OTUD7A: variants seen among roughly 807,000 people sequenced by gnomAD.
OTUD7A encodes OTU deubiquitinase 7A.
A neutral mutation model predicts 65.7 loss-of-function variants in OTUD7A; 12 were observed. The ratio of observed to expected loss-of-function variants is 0.18; its 90% CI spans 0.12 to 0.30. The LOEUF (loss-of-function observed/expected upper bound fraction) is 0.30, where lower values mean the gene tolerates loss of function less well. Among genes scored for constraint, OTUD7A ranks in the 10% least tolerant of loss-of-function variants. OTUD7A has a pLI of 1.00. For synonymous variants in OTUD7A, 641 were observed against 586.3 expected, an observed-to-expected ratio of 1.09 and a Z score of -1.35; for missense variants, 1,148 against 1,304.8, an observed-to-expected ratio of 0.88 and a Z score of 1.85.
At chr15:31,758,509 C>T (rs569019681) in intron 1 of OTUD7A, among the ~76,000 whole-genome samples, 56 of 152,262 alleles carry the variant, frequency 3.7e-4, no homozygotes, top group Non-Finnish European at 7.3e-4. Flanking sequence ...AAGCATCCCA[C>T]ATCAGTGCCA....
chr15:31,541,573 A>G (rs772110621), intron 5 of OTUD7A, among the ~76,000 whole-genome samples: 2 of 152,226 alleles, frequency 1.3e-5, no homozygotes, highest in Non-Finnish European at 2.9e-5. Flanking sequence ...AAAAGAGGTC[A>G]GAAAATAAAA....
At chr15:31,742,003 C>T (rs1894357967) in intron 1 of OTUD7A, among the ~76,000 whole-genome samples, 1 of 151,924 alleles carries the variant, frequency 6.6e-6, no homozygotes, top group African/African-American at 2.4e-5. Context: ...TAAAACTTAC[C>T]AAGGCTGATT....
intron 1 of OTUD7A, among the ~76,000 whole-genome samples, chr15:31,807,179 A>C (rs1177183952): frequency 6.6e-6 from 1 of 152,204 alleles, no homozygotes; most frequent in African/African-American, 2.4e-5. Flanking sequence ...AATAGAGTCA[A>C]TAACACCGTT....
At chr15:31,835,681 AAC>A (rs1343655825) in intron 1 of OTUD7A, among the ~76,000 whole-genome samples, 1 of 152,060 alleles carries the variant, frequency 6.6e-6, no homozygotes, top group East Asian at 1.9e-4. Context: ...CATACATACA[AAC>A]ACACATACAC....
chr15:31,867,733 A>G lies in OTUD7A; in HGVS notation c.-100+2774T>C, dbSNP rs141940081. Among the ~76,000 whole-genome samples, 503 of 152,320 alleles carry G rather than the reference A, an allele frequency of 3.3e-3. 3 individuals are homozygous for G. The highest frequency in any genetic ancestry group is 0.012 in the African/African-American group (487 of 41,562). On this transcript the variant is annotated intron_variant, in intron 1 of 12. Coordinates refer to ENST00000307050, the MANE Select transcript of OTUD7A (RefSeq NM_001382637.1). ...CTTCCGCAGTCTGAGAAGGCACTCA[A>G]TCCTGAGACTCAAAGTGTGCTAAGA...
intron 1 of OTUD7A, among the ~76,000 whole-genome samples, chr15:31,826,021 G>A (rs1042158767): frequency 6.6e-6 from 1 of 152,188 alleles, no homozygotes; most frequent in Non-Finnish European, 1.5e-5. Context: ...TGCTTTTTGG[G>A]CTGGCATTTG....
At chr15:31,548,973 C>G (rs1447947937) in intron 5 of OTUD7A, among the ~76,000 whole-genome samples, 1 of 151,662 alleles carries the variant, frequency 6.6e-6, no homozygotes, top group African/African-American at 2.4e-5. Context: ...CCATCTCTAC[C>G]AAAAATATAA....
chr15:31,590,868 T>C (rs1285352840), intron 3 of OTUD7A, among the ~76,000 whole-genome samples: 1 of 152,170 alleles, frequency 6.6e-6, no homozygotes, highest in Non-Finnish European at 1.5e-5. Context: ...CTTGTGGCCA[T>C]GGATTCACTG....
intron 8 of OTUD7A, among the ~76,000 whole-genome samples, chr15:31,513,396 C>T (rs1595572220): frequency 6.6e-6 from 1 of 152,204 alleles, no homozygotes; most frequent in East Asian, 1.9e-4. Context: ...CACACAGTTA[C>T]ATGCAATCAC....
intron 1 of OTUD7A, among the ~76,000 whole-genome samples, chr15:31,826,240 G>A (rs1896794918): frequency 6.6e-6 from 1 of 152,218 alleles, no homozygotes; most frequent in South Asian, 2.1e-4. Context: ...CTTCTGTCTG[G>A]GCATCCAGGC....
chr15:31,599,339 C>A (rs576834407), intron 3 of OTUD7A, among the ~76,000 whole-genome samples: 17 of 152,298 alleles, frequency 1.1e-4, no homozygotes, highest in African/African-American at 3.9e-4. Context: ...TATTCTGCAG[C>A]CTCTGCTGGT....
At chr15:31,527,152 G>T in intron 7 of OTUD7A, 29 bp downstream of exon 7, 1 of 1,613,326 alleles carries the variant, frequency 6.2e-7, no homozygotes, top group Non-Finnish European at 8.5e-7. Flanking sequence ...CCTGGGTCCC[G>T]GGCTCTGGCC....
At chr15:31,732,039 A>C (rs1894058946) in intron 1 of OTUD7A, among the ~76,000 whole-genome samples, 1 of 152,180 alleles carries the variant, frequency 6.6e-6, no homozygotes, top group South Asian at 2.1e-4. Context: ...TGAGAGCTAA[A>C]GGTGGGCTAA....
chr15:31,653,868 C>T (rs2141276589), intron 3 of OTUD7A, among the ~76,000 whole-genome samples: 1 of 151,272 alleles, frequency 6.6e-6, no homozygotes, highest in South Asian at 2.1e-4. Flanking sequence ...ATGGCCACCA[C>T]AAGCATGGTC....
intron 1 of OTUD7A, among the ~76,000 whole-genome samples, chr15:31,743,238 C>T (rs1894388924): frequency 6.6e-6 from 1 of 151,650 alleles, no homozygotes; most frequent in African/African-American, 2.4e-5. Context: ...ATTCAAAATG[C>T]TGAGATAACA....
rs201468499 is a variant in OTUD7A at position 31,856,686 on chromosome 15, C to CAT, written c.-100+13820_-100+13821insAT. ...TTCTTCTCAACCCCTCCTCGCCACA[C>CAT]GTTAATTAAACTCATCTACAATCTA... On this transcript the variant is annotated intron_variant, in intron 1 of 12. Transcript: ENST00000307050. Among the ~76,000 whole-genome samples, 1,069 of 152,310 alleles carry CAT rather than the reference C, an allele frequency of 7.0e-3. 15 individuals carry two copies. The highest frequency in any genetic ancestry group is 0.025 in the African/African-American group (1,029 of 41,568).
intron 1 of OTUD7A, among the ~76,000 whole-genome samples, chr15:31,751,617 T>C (rs1361191157): frequency 1.3e-5 from 2 of 152,204 alleles, no homozygotes; most frequent in Non-Finnish European, 2.9e-5. Context: ...AGCATACGTA[T>C]ATTCATTGTA....
chr15:31,634,760 A>T (rs1891288105), intron 3 of OTUD7A, among the ~76,000 whole-genome samples: 1 of 152,188 alleles, frequency 6.6e-6, no homozygotes, highest in South Asian at 2.1e-4. Context: ...GCTGCCCCAC[A>T]CAGAAACCGC....
At chr15:31,535,674 G>GTTTTTTT (rs55826357) in intron 5 of OTUD7A, among the ~76,000 whole-genome samples, 38 of 111,986 alleles carry the variant, frequency 3.4e-4, no homozygotes, top group East Asian at 7.3e-4. Flanking sequence ...TTCTGTTTTT[G>GTTTTTTT]TTTTTTTTTT....
Sources: allele counts gnomAD v4.1 joint callset (sites outside exome capture counted in the v4.1 genomes callset), GRCh38; gene constraint gnomAD v4.1.1; transcripts MANE v1.5; gene names NCBI Gene and HGNC (gene_info 2026-07-23, HGNC 2026-07-21).